The following PPM1L variants were observed in gnomAD, a reference collection of about 807,000 sequenced individuals.
PPM1L encodes the protein protein phosphatase 1L.
In PPM1L, 13 loss-of-function variants were observed where a neutral mutation model predicts 31.4. That is an observed-to-expected ratio of 0.41 (90% CI 0.27 to 0.66). The LOEUF (loss-of-function observed/expected upper bound fraction) is 0.66, where lower values mean the gene tolerates loss of function less well. PPM1L is among the 30% of genes least tolerant of loss of function. The pLI is 0.29. For synonymous variants in PPM1L, 184 were observed against 175.4 expected, an observed-to-expected ratio of 1.05 and a Z score of -0.39; for missense variants, 326 against 453.7, an observed-to-expected ratio of 0.72 and a Z score of 2.56.
chr3:161,050,055 C>T (rs1006056207), intron 2 of PPM1L, among the ~76,000 whole-genome samples: 1 of 152,180 alleles, frequency 6.6e-6, no homozygotes, highest in Non-Finnish European at 1.5e-5. Flanking sequence ...GGTGGTGTCA[C>T]CTGAGTGTGG....
In PPM1L at chr3:161,069,164, C is replaced by T. The variant is rs759811959; in HGVS notation, c.*7C>T. 1.2e-6 allele frequency: 2 copies of T among 1,600,112 alleles called. No homozygotes were observed. Among genetic ancestry groups the T allele is most frequent in the South Asian group, 2.2e-5 (2 of 89,688 alleles). ...CAAAACAGAAGAGCAGTGAACCCTTCAGGGGTCTCAGCTGCCTTAGACTAA... is the reference window on the plus strand; with the variant it reads ...CAAAACAGAAGAGCAGTGAACCCTTTAGGGGTCTCAGCTGCCTTAGACTAA... On this transcript the variant is annotated 3_prime_UTR_variant, in exon 4 of 4. Transcript: ENST00000498165.
At chr3:160,854,465 A>C (rs2108115528) in intron 1 of PPM1L, among the ~76,000 whole-genome samples, 1 of 152,292 alleles carries the variant, frequency 6.6e-6, no homozygotes, top group East Asian at 1.9e-4. Flanking sequence ...ATTGATCCTA[A>C]TCATGGAAAG....
intron 1 of PPM1L, among the ~76,000 whole-genome samples, chr3:160,865,559 G>A (rs1712058296): frequency 6.6e-6 from 1 of 152,130 alleles, no homozygotes; most frequent in African/African-American, 2.4e-5. Context: ...GGCAGATCAC[G>A]AGGTCAAGAG....
At chr3:160,923,542 C>T (rs1478639206) in intron 1 of PPM1L, among the ~76,000 whole-genome samples, 3 of 151,470 alleles carry the variant, frequency 2.0e-5, no homozygotes, top group Non-Finnish European at 4.4e-5. Context: ...CAACCCATGG[C>T]AACACTTGGG....
At chr3:160,815,075 A>G (rs889827279) in intron 1 of PPM1L, among the ~76,000 whole-genome samples, 7 of 152,222 alleles carry the variant, frequency 4.6e-5, no homozygotes, top group South Asian at 4.1e-4. Flanking sequence ...TTGCACCACA[A>G]TGGGTGCACC....
At chr3:160,807,029 C>A (rs1712624547) in intron 1 of PPM1L, among the ~76,000 whole-genome samples, 1 of 152,202 alleles carries the variant, frequency 6.6e-6, no homozygotes, top group Admixed American at 6.5e-5. Flanking sequence ...ACATCAGAAT[C>A]TCTGAAGATG....
At chr3:160,809,470 A>G (rs1199756404) in intron 1 of PPM1L, among the ~76,000 whole-genome samples, 3 of 151,966 alleles carry the variant, frequency 2.0e-5, no homozygotes, top group Non-Finnish European at 4.4e-5. Context: ...AATAGCTTCA[A>G]CCCCTCCGTT....
chr3:160,772,161 A>T (rs1463585649), intron 1 of PPM1L, among the ~76,000 whole-genome samples: 1 of 152,168 alleles, frequency 6.6e-6, no homozygotes, highest in Non-Finnish European at 1.5e-5. Context: ...AAGAACTGGG[A>T]TCCCGACAGT....
At chr3:160,845,723 T>C (rs543654548) in intron 1 of PPM1L, among the ~76,000 whole-genome samples, 1 of 152,164 alleles carries the variant, frequency 6.6e-6, no homozygotes, top group South Asian at 2.1e-4. Flanking sequence ...AGGTTTGTGT[T>C]TTTGTGTTTT....
At chr3:160,805,614 C>T (rs1222712084) in intron 1 of PPM1L, among the ~76,000 whole-genome samples, 8 of 152,008 alleles carry the variant, frequency 5.3e-5, no homozygotes, top group African/African-American at 1.4e-4. Flanking sequence ...CCCAGCTACT[C>T]GGGAGGCTGA....
chr3:161,064,360 C>A (rs1233640394), intron 2 of PPM1L, among the ~76,000 whole-genome samples: 1 of 146,910 alleles, frequency 6.8e-6, no homozygotes, highest in African/African-American at 2.5e-5. Context: ...GAGCAAGACC[C>A]TATCTCTTAA....
At chr3:160,972,093 C>T (rs1192876408) in intron 2 of PPM1L, among the ~76,000 whole-genome samples, 1 of 152,202 alleles carries the variant, frequency 6.6e-6, no homozygotes. Flanking sequence ...AACTGCAGCT[C>T]TCCAACTGAT....
chr3:160,979,245 TCCAAC>T (rs1473442936), intron 2 of PPM1L, among the ~76,000 whole-genome samples: 1 of 152,080 alleles, frequency 6.6e-6, no homozygotes, highest in Non-Finnish European at 1.5e-5. Flanking sequence ...TTATTGATTT[TCCAAC>T]CCACTTATTC....
chr3:161,019,690 C>G (rs1269226985), intron 2 of PPM1L, among the ~76,000 whole-genome samples: 3 of 152,160 alleles, frequency 2.0e-5, no homozygotes, highest in African/African-American at 7.2e-5. Flanking sequence ...TGTTACCTGT[C>G]ACTGCTGCAT....
intron 1 of PPM1L, among the ~76,000 whole-genome samples, chr3:160,935,253 G>T (rs753064510): frequency 7.9e-5 from 12 of 152,062 alleles, no homozygotes; most frequent in Admixed American, 2.6e-4. Context: ...CTTTATATTG[G>T]CAATTGTTTA....
chr3:160,822,633 T>C lies in PPM1L; in HGVS notation c.399+65926T>C, dbSNP rs78365428. ...CTCTGTTGAGCATTATGATAGTAAG[T>C]ATACATGAGCGATATAGATTAGAAG... On this transcript the variant is annotated intron_variant, in intron 1 of 3. Coordinates refer to ENST00000498165, the MANE Select transcript of PPM1L (RefSeq NM_139245.4). Among the ~76,000 whole-genome samples, 831 of 152,226 alleles carry C rather than the reference T, an allele frequency of 5.5e-3. 8 individuals are homozygous for C. Among genetic ancestry groups the C allele is most frequent in the African/African-American group, 0.019 (777 of 41,556 alleles).
At chr3:160,847,705 C>T (rs909950300) in intron 1 of PPM1L, among the ~76,000 whole-genome samples, 3 of 152,262 alleles carry the variant, frequency 2.0e-5, no homozygotes, top group Non-Finnish European at 1.5e-5. Flanking sequence ...ACCTCAGAAA[C>T]AAAACAACCC....
chr3:160,862,667 C>T (rs575722716), intron 1 of PPM1L, among the ~76,000 whole-genome samples: 1 of 127,126 alleles, frequency 7.9e-6, no homozygotes, highest in South Asian at 2.4e-4. Flanking sequence ...CACACGCACA[C>T]ACACACACAC....
intron 1 of PPM1L, among the ~76,000 whole-genome samples, chr3:160,854,926 C>CA (rs1204709467): frequency 0.03 from 3,515 of 117,504 alleles, 121 homozygotes; most frequent in African/African-American, 0.093. Flanking sequence ...CAATCCTAAG[C>CA]AAAAAAAAAA....
Sources: allele counts gnomAD v4.1 joint callset (sites outside exome capture counted in the v4.1 genomes callset), GRCh38; gene constraint gnomAD v4.1.1; transcripts MANE v1.5; gene names NCBI Gene and HGNC (gene_info 2026-07-23, HGNC 2026-07-21).